The following TRPC7 variants were observed in gnomAD, a reference collection of about 807,000 sequenced individuals.
TRPC7 encodes the protein transient receptor potential cation channel subfamily C member 7.
In TRPC7, 42 loss-of-function variants were observed where a neutral mutation model predicts 90.1. The ratio of observed to expected loss-of-function variants is 0.47; its 90% CI spans 0.36 to 0.60. The LOEUF is 0.60. Among genes scored for constraint, TRPC7 ranks in the 20% least tolerant of loss-of-function variants. TRPC7 has a pLI of 0.00. For synonymous variants in TRPC7, 451 were observed against 436.3 expected (o/e 1.03, Z -0.42); for missense variants, 955 against 1,112.3 (o/e 0.86, Z 2.01).
At chr5:136,319,169 C>T (rs945995411) in intron 2 of TRPC7, among the ~76,000 whole-genome samples, 1 of 152,188 alleles carries the variant, frequency 6.6e-6, no homozygotes, top group Non-Finnish European at 1.5e-5. Flanking sequence ...ATCTCCTTCT[C>T]CTCCTCTCAG....
chr5:136,215,326 G>A (rs1755228934), intron 11 of TRPC7, among the ~76,000 whole-genome samples: 1 of 152,218 alleles, frequency 6.6e-6, no homozygotes, highest in South Asian at 2.1e-4. Flanking sequence ...TGCCATTGCT[G>A]TGGGAGGCAG....
chr5:136,311,773 C>T (rs1758841556), intron 3 of TRPC7, among the ~76,000 whole-genome samples: 2 of 152,246 alleles, frequency 1.3e-5, no homozygotes, highest in East Asian at 1.9e-4. Flanking sequence ...AGTCGTATCC[C>T]TGATTTTTCA....
intron 8 of TRPC7, among the ~76,000 whole-genome samples, chr5:136,230,309 A>T (rs142999213): frequency 3.5e-4 from 53 of 152,358 alleles, no homozygotes; most frequent in Non-Finnish European, 6.3e-4. Flanking sequence ...ATAAAGAAAA[A>T]GGAATTCCAC....
rs147261777 is a variant in TRPC7 at position 136,349,943 on chromosome 5, G to C, written c.780+6665C>G. 7.8e-3 allele frequency among the ~76,000 whole-genome samples: 1,186 copies of C among 152,242 alleles called. 4 individuals carry two copies. The highest frequency in any genetic ancestry group is 0.012 in the Non-Finnish European group (791 of 68,008). ...TATTTTACTGTGCCTTTCCTATTGA[G>C]ATATGTTATATACACAAATTCTGAC... is the stretch of plus-strand genomic sequence containing the variant. On this transcript the variant is annotated intron_variant, in intron 2 of 11. Transcript: ENST00000513104.
At chr5:136,318,366 T>C (rs1759093204) in intron 2 of TRPC7, among the ~76,000 whole-genome samples, 2 of 152,126 alleles carry the variant, frequency 1.3e-5, no homozygotes, top group African/African-American at 4.8e-5. Context: ...TCTCATTCAG[T>C]CCTTATAAAA....
At chr5:136,331,707 G>A (rs370224173) in intron 2 of TRPC7, among the ~76,000 whole-genome samples, 3 of 152,264 alleles carry the variant, frequency 2.0e-5, no homozygotes, top group East Asian at 1.9e-4. Flanking sequence ...CCTTGTGTGC[G>A]CCAGAGCTGT....
Position 136,231,388 on chromosome 5 carries a change from A to G in TRPC7, c.2006T>C (p.Ile669Thr). ...TMVVVLLNML[I>T]AMINNSYQEI... ...CTGATAGGAGTTGTTTATCATGGCT[A>G]TTAGCATGTTGAGCAACACTACCAC... Residue 669 changes from isoleucine to threonine, a missense_variant, in exon 8 of 12, where the codon ATA (isoleucine) becomes ACA (threonine). Physicochemically the swap from Ile to Thr is moderately conservative, Grantham distance 89. Coordinates refer to ENST00000513104, the MANE Select transcript of TRPC7 (RefSeq NM_020389.3). The G allele has an allele frequency of 6.2e-7, 1 of 1,605,598 alleles. No homozygotes were observed. Among genetic ancestry groups the G allele is most frequent in the Non-Finnish European group, 8.5e-7 (1 of 1,173,014 alleles).
intron 3 of TRPC7, among the ~76,000 whole-genome samples, chr5:136,315,187 C>T (rs1758968906): frequency 6.6e-6 from 1 of 152,230 alleles, no homozygotes; most frequent in Non-Finnish European, 1.5e-5. Flanking sequence ...AACTAGTCCT[C>T]AGGCACACAG....
chr5:136,352,196 A>G (rs1416820183), intron 2 of TRPC7, among the ~76,000 whole-genome samples: 1 of 152,124 alleles, frequency 6.6e-6, no homozygotes, highest in Non-Finnish European at 1.5e-5. Context: ...CAAGAGAGAT[A>G]CCCCTACCCC....
At chr5:136,282,579 C>T (rs1757581189) in intron 3 of TRPC7, among the ~76,000 whole-genome samples, 1 of 151,990 alleles carries the variant, frequency 6.6e-6, no homozygotes, top group Non-Finnish European at 1.5e-5. Context: ...TTGTTTTATA[C>T]TCAAAATATG....
chr5:136,315,589 G>A lies in TRPC7; in HGVS notation c.963+8C>T, dbSNP rs2149839169. 6.2e-7 allele frequency: 1 copy of A among 1,613,338 alleles called. No individual in the cohort carries two copies. The highest frequency in any genetic ancestry group is 8.5e-7 in the Non-Finnish European group (1 of 1,179,448). ...GATGGGAAGACCAGGAGAGATGGGGGAGCTTACCTTCTTGACTTCATATTT... is the reference window on the plus strand; with the variant it reads ...GATGGGAAGACCAGGAGAGATGGGGAAGCTTACCTTCTTGACTTCATATTT... On this transcript the variant is annotated splice_region_variant and intron_variant, in intron 3 of 11. Coordinates refer to ENST00000513104, the MANE Select transcript of TRPC7 (RefSeq NM_020389.3).
intron 2 of TRPC7, among the ~76,000 whole-genome samples, chr5:136,344,320 A>G (rs936649346): frequency 3.9e-5 from 6 of 152,196 alleles, no homozygotes; most frequent in African/African-American, 1.2e-4. Flanking sequence ...CCTATCGGGT[A>G]GTTTTTACCG....
chr5:136,246,003 A>G (rs1756323833), intron 7 of TRPC7, among the ~76,000 whole-genome samples: 1 of 152,134 alleles, frequency 6.6e-6, no homozygotes, highest in Admixed American at 6.5e-5. Flanking sequence ...CCAGGAGACT[A>G]TCTGGCATCC....
chr5:136,277,173 A>G lies in TRPC7; in HGVS notation c.964-2336T>C, dbSNP rs532217796. On this transcript the variant is annotated intron_variant, in intron 3 of 11. Coordinates refer to ENST00000513104, the MANE Select transcript of TRPC7 (RefSeq NM_020389.3). The stretch of plus-strand genomic sequence containing the variant: ...CGCAGATTGGGCAGAAGGCCAGAAG[A>G]GCAGAAGCTCTGAGAGAGAACACAG... 2.0e-5 allele frequency among the ~76,000 whole-genome samples: 3 copies of G among 152,338 alleles called. No individual in the cohort carries two copies. The South Asian group carries it at 6.2e-4, about 32-fold the overall frequency.
intron 6 of TRPC7, among the ~76,000 whole-genome samples, chr5:136,250,459 T>G (rs754065088): frequency 1.3e-5 from 2 of 152,224 alleles, no homozygotes; most frequent in African/African-American, 2.4e-5. Context: ...CATTAGCAAT[T>G]GCCTACTAAG....
chr5:136,334,919 GC>G (rs1488138615), intron 2 of TRPC7, among the ~76,000 whole-genome samples: 10 of 152,138 alleles, frequency 6.6e-5, no homozygotes, highest in Non-Finnish European at 1.3e-4. Flanking sequence ...ACTGTTCAAG[GC>G]CCCTTATCTT....
At chr5:136,339,003 T>C (rs1238611106) in intron 2 of TRPC7, among the ~76,000 whole-genome samples, 2 of 152,168 alleles carry the variant, frequency 1.3e-5, no homozygotes, top group African/African-American at 4.8e-5. Flanking sequence ...GATGGGGAAA[T>C]GAGTAATCAC....
chr5:136,237,358 C>A (rs763829645), intron 7 of TRPC7, among the ~76,000 whole-genome samples: 6 of 152,178 alleles, frequency 3.9e-5, no homozygotes, highest in African/African-American at 7.2e-5. Context: ...CCCCATGCAG[C>A]CTGGGAACTC....
intron 2 of TRPC7, among the ~76,000 whole-genome samples, chr5:136,336,631 A>C (rs1027750662): frequency 1.3e-5 from 2 of 151,902 alleles, no homozygotes; most frequent in African/African-American, 4.8e-5. Context: ...TTTATATTAG[A>C]TATTTCTCCT....
Sources: gnomAD v4.1 joint callset for allele counts (sites outside exome capture counted in the v4.1 genomes callset) on GRCh38, gnomAD v4.1.1 for gene constraint, MANE v1.5 for transcripts, NCBI Gene and HGNC (gene_info 2026-07-23, HGNC 2026-07-21) for gene names.